Variants in CSMD1 observed in about 807,000 individuals in gnomAD.
CSMD1 encodes the protein CUB and Sushi multiple domains 1.
In CSMD1, 213 loss-of-function variants were observed where a neutral mutation model predicts 417.5. The observed-to-expected ratio is 0.51, with a 90% CI of 0.46 to 0.57. The LOEUF (loss-of-function observed/expected upper bound fraction) is 0.57. Among genes scored for constraint, CSMD1 ranks in the 20% least tolerant of loss-of-function variants. The pLI, the probability that CSMD1 is intolerant of heterozygous loss-of-function variation, is 0.00. For missense variants in CSMD1, 6,923 were observed against 4,529.7 expected, an observed-to-expected ratio of 1.53 and a Z score of -15.17; for synonymous variants, 2,862 against 1,736.8, an observed-to-expected ratio of 1.65 and a Z score of -16.11.
In CSMD1 at chr8:3,795,269, T is replaced by C. The variant is rs1483763272; in HGVS notation, c.819-41227A>G. 4.8e-5 allele frequency among the ~76,000 whole-genome samples: 3 copies of C among 62,636 alleles called. 1 individual carries two copies. Among genetic ancestry groups the C allele is most frequent in the African/African-American group, 1.7e-4 (3 of 17,690 alleles). The allele number at this position is 62,636 out of a possible 152,430, so 41.1% of individuals were successfully genotyped here. A position where few individuals can be genotyped will look rare whatever the true frequency, so the allele number is the denominator to read the frequency against. ...ATGTACACATATAGATATATATCTATCATGTACAGATATATATATCATGTA... is the reference window on the plus strand; with the variant it reads ...ATGTACACATATAGATATATATCTACCATGTACAGATATATATATCATGTA... On this transcript the variant is annotated intron_variant, in intron 5 of 69. Coordinates refer to ENST00000635120, the MANE Select transcript of CSMD1 (RefSeq NM_033225.6).
intron 7 of CSMD1, among the ~76,000 whole-genome samples, chr8:3,658,922 C>G (rs1413072163): frequency 6.6e-6 from 1 of 152,172 alleles, no homozygotes; most frequent in African/African-American, 2.4e-5. Context: ...CCATTCTTGA[C>G]CTACCAAATA....
chr8:4,564,145 T>A (rs768537214), intron 2 of CSMD1, among the ~76,000 whole-genome samples: 3 of 152,178 alleles, frequency 2.0e-5, no homozygotes, highest in Non-Finnish European at 4.4e-5. Context: ...TGAACACGTA[T>A]AAAAGGTTCA....
At chr8:4,446,751 GTGTC>G (rs1178545335) in intron 2 of CSMD1, among the ~76,000 whole-genome samples, 322 of 103,280 alleles carry the variant, frequency 3.1e-3, no homozygotes, top group East Asian at 6.1e-3. Flanking sequence ...GTGTGTGTGT[GTGTC>G]TGTGTGTGTG....
At chr8:4,299,850 C>A (rs182481667) in intron 3 of CSMD1, among the ~76,000 whole-genome samples, 1 of 152,034 alleles carries the variant, frequency 6.6e-6, no homozygotes, top group African/African-American at 2.4e-5. Context: ...AGGATGGTCT[C>A]GATCTCCTGA....
intron 3 of CSMD1, among the ~76,000 whole-genome samples, chr8:4,276,560 C>G (rs942737836): frequency 6.6e-6 from 1 of 152,056 alleles, no homozygotes; most frequent in Non-Finnish European, 1.5e-5. Flanking sequence ...CCTGCACGTT[C>G]TGCACATGTA....
intron 3 of CSMD1, among the ~76,000 whole-genome samples, chr8:4,345,765 A>C (rs891863959): frequency 6.6e-6 from 1 of 152,082 alleles, no homozygotes; most frequent in Non-Finnish European, 1.5e-5. Flanking sequence ...CTATCATCTC[A>C]ACCCCGTTAA....
intron 68 of CSMD1, among the ~76,000 whole-genome samples, chr8:2,944,755 G>T (rs970509291): frequency 1.3e-5 from 2 of 152,010 alleles, no homozygotes; most frequent in Admixed American, 6.5e-5. Flanking sequence ...TTTCCATTAC[G>T]ATGCCAAACA....
At chr8:4,042,745 G>C (rs1024148842) in intron 3 of CSMD1, among the ~76,000 whole-genome samples, 1 of 146,434 alleles carries the variant, frequency 6.8e-6, no homozygotes, top group Non-Finnish European at 1.5e-5. Flanking sequence ...TACCACAGAG[G>C]CTGGGTAAGA....
At chr8:4,068,990 T>C (rs1386356734) in intron 3 of CSMD1, among the ~76,000 whole-genome samples, 1 of 152,238 alleles carries the variant, frequency 6.6e-6, no homozygotes, top group African/African-American at 2.4e-5. Flanking sequence ...GTTGAATGGC[T>C]TGGAAAGATA....
At position 3,522,502 on chromosome 8, in the gene CSMD1, G is replaced by C. The variant is rs141174462; in HGVS notation, c.1345-28776C>G. 2.1e-4 allele frequency among the ~76,000 whole-genome samples: 32 copies of C among 152,242 alleles called. No individual in the cohort carries two copies. In the East Asian group the frequency reaches 6.0e-3, roughly 28 times the overall value. On this transcript the variant is annotated intron_variant, in intron 10 of 69. Coordinates refer to ENST00000635120, the MANE Select transcript of CSMD1 (RefSeq NM_033225.6). ...CATAACAATTTACAAAATATTTTGT[G>C]AGTTTTGTTTACTGGAACATTGGTA... is the stretch of plus-strand genomic sequence containing the variant.
intron 41 of CSMD1, chr8:3,127,324 C>T (rs1456913125): frequency 1.3e-5 from 2 of 152,124 alleles, no homozygotes; most frequent in African/African-American, 4.8e-5. Flanking sequence ...TTGCCCTGTT[C>T]CCCTAATTAC....
chr8:4,762,906 G>A (rs1427233703), intron 1 of CSMD1, among the ~76,000 whole-genome samples: 2 of 152,142 alleles, frequency 1.3e-5, no homozygotes, highest in Non-Finnish European at 2.9e-5. Context: ...TGCCATAGCA[G>A]CATTGTAGGT....
chr8:3,971,317 T>C (rs1452267609), intron 5 of CSMD1, among the ~76,000 whole-genome samples: 1 of 152,190 alleles, frequency 6.6e-6, no homozygotes, highest in South Asian at 2.1e-4. Flanking sequence ...GAGTTTCCAG[T>C]GGCTGCAGCT....
intron 1 of CSMD1, among the ~76,000 whole-genome samples, chr8:4,883,074 G>C (rs554437343): frequency 6.6e-6 from 1 of 152,210 alleles, no homozygotes; most frequent in Non-Finnish European, 1.5e-5. Context: ...AAGAGCACTA[G>C]CAGAGAAAAT....
intron 5 of CSMD1, among the ~76,000 whole-genome samples, chr8:3,883,903 TAAATATATGTTA>T (rs1258515465): frequency 1.3e-5 from 2 of 152,048 alleles, no homozygotes; most frequent in Non-Finnish European, 2.9e-5. Flanking sequence ...AAATATAAAT[TAAATATATGTTA>T]AAATATATGA....
At chr8:3,195,560 G>C (rs970672324) in intron 33 of CSMD1, among the ~76,000 whole-genome samples, 2 of 152,170 alleles carry the variant, frequency 1.3e-5, no homozygotes, top group African/African-American at 4.8e-5. Context: ...TTGATTTTCG[G>C]TGTAATATAT....
chr8:4,964,761 C>G (rs1477951245), intron 1 of CSMD1, among the ~76,000 whole-genome samples: 1 of 152,144 alleles, frequency 6.6e-6, no homozygotes, highest in Non-Finnish European at 1.5e-5. Flanking sequence ...TTGAACCTGA[C>G]AAAAACTCAT....
intron 3 of CSMD1, among the ~76,000 whole-genome samples, chr8:4,222,397 CAGAATAAGAAGCTTCCATCTTATTCTGTA>C (rs1563297260): frequency 3.9e-4 from 1 of 2,574 alleles, no homozygotes; most frequent in African/African-American, 1.3e-3. Flanking sequence ...ATTCTGTAAA[CAGAATAAGAAGCTTCCATCTTATTCTGTA>C]AAGTGAGGTC....
chr8:4,932,743 T>G (rs1045714724), intron 1 of CSMD1, among the ~76,000 whole-genome samples: 1 of 152,200 alleles, frequency 6.6e-6, no homozygotes, highest in Non-Finnish European at 1.5e-5. Flanking sequence ...AGTACGATCC[T>G]TAAAATAATC....
Sources: allele counts gnomAD v4.1 joint callset (sites outside exome capture counted in the v4.1 genomes callset), GRCh38; gene constraint gnomAD v4.1.1; transcripts MANE v1.5; gene names NCBI Gene and HGNC (gene_info 2026-07-23, HGNC 2026-07-21).